Variants in CABLES1 observed in about 807,000 individuals in gnomAD.
CABLES1 encodes the protein Cdk5 and Abl enzyme substrate 1.
A neutral mutation model predicts 57.8 loss-of-function variants in CABLES1; 36 were observed. The ratio of observed to expected loss-of-function variants is 0.62; its 90% CI spans 0.48 to 0.82. The LOEUF is 0.82. Ranked by LOEUF, CABLES1 falls within the 40% of genes least tolerant of loss-of-function variation. The pLI, the probability that CABLES1 is intolerant of heterozygous loss-of-function variation, is 0.00. For synonymous variants in CABLES1, 374 were observed against 363.0 expected (o/e 1.03, Z -0.35); for missense variants, 767 against 836.6 (o/e 0.92, Z 1.03).
intron 4 of CABLES1, among the ~76,000 whole-genome samples, chr18:23,215,178 G>A (rs929675196): frequency 6.6e-6 from 1 of 152,140 alleles, no homozygotes; most frequent in Non-Finnish European, 1.5e-5. Context: ...AGGTGTTCTA[G>A]AAAAAGTAGC....
chr18:23,167,854 G>C (rs2047054404), intron 1 of CABLES1, among the ~76,000 whole-genome samples: 2 of 152,212 alleles, frequency 1.3e-5, no homozygotes, highest in Admixed American at 1.3e-4. Context: ...ATGTTTGGGG[G>C]AGGGGCCCTA....
At chr18:23,147,532 C>T (rs1160352528) in intron 1 of CABLES1, among the ~76,000 whole-genome samples, 2 of 152,166 alleles carry the variant, frequency 1.3e-5, no homozygotes, top group African/African-American at 2.4e-5. Context: ...TCCAAGAAGC[C>T]GTTGAGAAAT....
intron 1 of CABLES1, among the ~76,000 whole-genome samples, chr18:23,143,463 C>T (rs1414096762): frequency 6.6e-6 from 1 of 152,266 alleles, no homozygotes; most frequent in Non-Finnish European, 1.5e-5. Flanking sequence ...ACTACCACCT[C>T]CGCCCTGGGC....
intron 3 of CABLES1, among the ~76,000 whole-genome samples, chr18:23,209,181 A>G (rs968723854): frequency 1.9e-4 from 29 of 152,320 alleles, no homozygotes; most frequent in African/African-American, 6.7e-4. Flanking sequence ...ACTCTGTTTG[A>G]TCTGGGACAT....
chr18:23,206,837 C>T (rs1338252813), intron 3 of CABLES1, among the ~76,000 whole-genome samples: 4 of 141,600 alleles, frequency 2.8e-5, no homozygotes, highest in East Asian at 4.2e-4. Flanking sequence ...TTTTTTGCGA[C>T]GGGGTCTTGC....
intron 9 of CABLES1, 60 bp from the exon 10 acceptor site, chr18:23,257,167 C>A: frequency 6.3e-7 from 1 of 1,585,368 alleles, no homozygotes; most frequent in Admixed American, 1.8e-5. Context: ...GCTGCAATTG[C>A]AGAAAGACTA....
At chr18:23,193,534 C>CA (rs1194511504) in intron 2 of CABLES1, among the ~76,000 whole-genome samples, 2 of 152,180 alleles carry the variant, frequency 1.3e-5, no homozygotes, top group Non-Finnish European at 2.9e-5. Context: ...CACAGGCACC[C>CA]ATGTCCCATG....
intron 1 of CABLES1, among the ~76,000 whole-genome samples, chr18:23,140,438 CTTT>C (rs11358415): frequency 1.2e-4 from 17 of 138,296 alleles, no homozygotes; most frequent in Admixed American, 1.4e-4. Context: ...CGTTTTCTTT[CTTT>C]TTTTTTTTTT....
At chr18:23,200,076 GT>G (rs2047312638) in intron 3 of CABLES1, among the ~76,000 whole-genome samples, 2 of 152,172 alleles carry the variant, frequency 1.3e-5, no homozygotes, top group Non-Finnish European at 2.9e-5. Flanking sequence ...CTCAGCAAGT[GT>G]TTGTTGAATA....
chr18:23,158,046 C>G (rs1467766653), intron 1 of CABLES1, among the ~76,000 whole-genome samples: 1 of 150,830 alleles, frequency 6.6e-6, no homozygotes, highest in South Asian at 2.1e-4. Context: ...CTTTGGGAGG[C>G]TGAGGCAGGT....
chr18:23,152,595 A>G lies in CABLES1; in HGVS notation c.845+15988A>G, dbSNP rs144881272. On this transcript the variant is annotated intron_variant, in intron 1 of 9. Coordinates refer to ENST00000256925, the MANE Select transcript of CABLES1 (RefSeq NM_001100619.3). ...TGCCTCCTGGGTTCAGGCGATTCTT[A>G]TGCCTCAGCCTCCCGAGTAGCTGGG... 7.4e-3 allele frequency among the ~76,000 whole-genome samples: 1,062 copies of G among 142,944 alleles called. 9 individuals are homozygous for G. The highest frequency in any genetic ancestry group is 0.025 in the African/African-American group (937 of 38,198). 93.8% of individuals were successfully genotyped at this position (142,944 alleles called of 152,430 possible).
chr18:23,227,207 G>A (rs1446526065), intron 4 of CABLES1, among the ~76,000 whole-genome samples: 1 of 151,976 alleles, frequency 6.6e-6, no homozygotes, highest in East Asian at 1.9e-4. Context: ...GAGCCTTCAA[G>A]CCTAAATGCT....
intron 2 of CABLES1, among the ~76,000 whole-genome samples, chr18:23,193,031 G>A (rs2047256114): frequency 2.0e-5 from 3 of 152,026 alleles, no homozygotes; most frequent in Non-Finnish European, 4.4e-5. Flanking sequence ...ACAGAGCAAG[G>A]CCTTGTCTTT....
intron 3 of CABLES1, chr18:23,204,556 C>CT (rs2047348870): frequency 6.6e-6 from 1 of 152,294 alleles, no homozygotes; most frequent in East Asian, 1.9e-4. Flanking sequence ...TTCATCTGTT[C>CT]TTATGCTGCT....
rs77450875 is a variant in CABLES1 at position 23,139,813 on chromosome 18, C to T, written c.845+3206C>T. Among the ~76,000 whole-genome samples the T allele has an allele frequency of 5.9e-3, 903 of 152,288 alleles. 7 individuals carry two copies. Among genetic ancestry groups the T allele is most frequent in the African/African-American group, 0.021 (871 of 41,548 alleles). On this transcript the variant is annotated intron_variant, in intron 1 of 9. Transcript: ENST00000256925. ...CTGGATCATTGATGTCCAAGCTCTG[C>T]CACTCTACCATGTCACTATGCCTTG...
At chr18:23,240,951 A>G (rs577646925) in intron 7 of CABLES1, among the ~76,000 whole-genome samples, 5 of 152,228 alleles carry the variant, frequency 3.3e-5, no homozygotes, top group African/African-American at 1.2e-4. Context: ...GTTTGTTTGA[A>G]GTGTGCATTT....
rs559928727 is a variant in CABLES1 at position 23,136,644 on chromosome 18, G to A, written c.845+37G>A. 41 of 1,269,588 alleles carry A rather than the reference G, an allele frequency of 3.2e-5. No individual in the cohort carries two copies. In the Admixed American group the frequency reaches 1.2e-3, roughly 39 times the overall value. The allele number at this position is 1,269,588 out of a possible 1,614,324, so 78.6% of individuals were successfully genotyped here. On this transcript the variant is annotated intron_variant, in intron 1 of 9. Transcript: ENST00000256925. ...GGATGCGACGCGCACCCAACCCTGC[G>A]TCCCGCCCGGCGCTCCCAGCCTCCC...
chr18:23,218,642 G>A (rs951817417), intron 4 of CABLES1, among the ~76,000 whole-genome samples: 22 of 126,076 alleles, frequency 1.7e-4, no homozygotes, highest in African/African-American at 6.2e-4. Context: ...CCTGCCTCCC[G>A]CATCCTCACT....
At position 23,184,632 on chromosome 18, in the gene CABLES1, G is replaced by A. The variant is rs35670154; in HGVS notation, c.846-4206G>A. Among the ~76,000 whole-genome samples the A allele has an allele frequency of 2.9e-3, 439 of 152,286 alleles. 1 individual carries two copies. Among genetic ancestry groups the A allele is most frequent in the African/African-American group, 0.01 (416 of 41,552 alleles). On this transcript the variant is annotated intron_variant, in intron 1 of 9. Coordinates refer to ENST00000256925, the MANE Select transcript of CABLES1 (RefSeq NM_001100619.3). Reference sequence around the variant, plus strand: ...GCACAAGAATTGATTGAGCCTGGGAGGCAGAGGTTGCAGTGAGCCAAGATT... The same window carrying A: ...GCACAAGAATTGATTGAGCCTGGGAAGCAGAGGTTGCAGTGAGCCAAGATT...
Sources: gnomAD v4.1 joint callset for allele counts (sites outside exome capture counted in the v4.1 genomes callset) on GRCh38, gnomAD v4.1.1 for gene constraint, MANE v1.5 for transcripts, NCBI Gene and HGNC (gene_info 2026-07-23, HGNC 2026-07-21) for gene names.